The following XYLT1 variants were observed in gnomAD, a reference collection of about 807,000 sequenced individuals.
XYLT1 encodes the protein beta-D-xylosyltransferase 1.
Under a neutral mutation model 91.3 loss-of-function variants are expected in XYLT1, and 36 were observed. The ratio of observed to expected loss-of-function variants is 0.39; its 90% CI spans 0.30 to 0.52. The LOEUF is 0.52. XYLT1 is among the 20% of genes least tolerant of loss of function. The pLI is 0.68. For synonymous variants in XYLT1, 588 were observed against 532.0 expected, an observed-to-expected ratio of 1.11 and a Z score of -1.45; for missense variants, 1,242 against 1,284.5, an observed-to-expected ratio of 0.97 and a Z score of 0.51.
intron 9 of XYLT1, among the ~76,000 whole-genome samples, chr16:17,128,746 A>T (rs910256797): frequency 9.2e-5 from 14 of 152,226 alleles, no homozygotes; most frequent in Non-Finnish European, 1.3e-4. Context: ...AGTGAAGCAG[A>T]GATGTCCGGA....
chr16:17,437,749 G>A lies in XYLT1; in HGVS notation c.363+32685C>T, dbSNP rs115639574. ...AAAATTGTTCTGGGAGGCAGGAGGA[G>A]CTCTCCAAAGTGTTTAGGAACACAA... On this transcript the variant is annotated intron_variant, in intron 1 of 11. Transcript: ENST00000261381. Among the ~76,000 whole-genome samples the A allele has an allele frequency of 2.8e-3, 426 of 152,268 alleles. 4 individuals are homozygous for A. The highest frequency in any genetic ancestry group is 9.8e-3 in the African/African-American group (407 of 41,554).
intron 8 of XYLT1, among the ~76,000 whole-genome samples, chr16:17,136,425 C>CAGCTT (rs1315345921): frequency 2.0e-5 from 3 of 152,168 alleles, no homozygotes; most frequent in Non-Finnish European, 1.5e-5. Context: ...GTGGGGAGCA[C>CAGCTT]AGCTTAGCAC....
chr16:17,129,410 AG>A (rs1405413020), intron 9 of XYLT1, among the ~76,000 whole-genome samples: 1 of 152,024 alleles, frequency 6.6e-6, no homozygotes, highest in Non-Finnish European at 1.5e-5. Context: ...TACAGGCATC[AG>A]CCACCATGCC....
chr16:17,445,046 C>T (rs544574656), intron 1 of XYLT1, among the ~76,000 whole-genome samples: 160 of 152,336 alleles, frequency 1.1e-3, no homozygotes, highest in African/African-American at 3.8e-3. Context: ...ATCACCCAGA[C>T]TGAAGTGCAG....
intron 2 of XYLT1, among the ~76,000 whole-genome samples, chr16:17,297,200 A>T (rs8061564): frequency 0.12 from 18,040 of 152,188 alleles, 1,163 homozygotes; most frequent in South Asian, 0.17. Context: ...CTCCAAATCC[A>T]TGTTTTATTA....
At chr16:17,150,178 C>T (rs962437508) in intron 6 of XYLT1, among the ~76,000 whole-genome samples, 1 of 152,140 alleles carries the variant, frequency 6.6e-6, no homozygotes, top group Non-Finnish European at 1.5e-5. Context: ...TGGATGAGCT[C>T]GCGAGGATTC....
At chr16:17,334,651 G>GT (rs2034951047) in intron 2 of XYLT1, among the ~76,000 whole-genome samples, 2 of 152,214 alleles carry the variant, frequency 1.3e-5, no homozygotes, top group Admixed American at 1.3e-4. Flanking sequence ...AGCAAGGACA[G>GT]TGAGAAGTAC....
intron 1 of XYLT1, among the ~76,000 whole-genome samples, chr16:17,360,550 AG>A (rs1472211519): frequency 1.3e-5 from 2 of 152,228 alleles, no homozygotes; most frequent in Non-Finnish European, 2.9e-5. Flanking sequence ...AGTCCTCACA[AG>A]GGGCCACATC....
intron 5 of XYLT1, among the ~76,000 whole-genome samples, chr16:17,189,689 A>G (rs1446647116): frequency 6.6e-6 from 1 of 152,240 alleles, no homozygotes; most frequent in Non-Finnish European, 1.5e-5. Context: ...CCTCAACGAT[A>G]TTAAGCTAAG....
intron 2 of XYLT1, among the ~76,000 whole-genome samples, chr16:17,262,033 C>T (rs1406790526): frequency 2.6e-5 from 4 of 152,064 alleles, no homozygotes; most frequent in African/African-American, 9.7e-5. Context: ...ATCCAGAGGC[C>T]CTTGAAGAGT....
intron 2 of XYLT1, among the ~76,000 whole-genome samples, chr16:17,302,103 G>A (rs1450678171): frequency 6.6e-6 from 1 of 152,052 alleles, no homozygotes; most frequent in Non-Finnish European, 1.5e-5. Flanking sequence ...TACTCAGGAG[G>A]CTAAGATGGG....
chr16:17,153,768 C>T (rs1187887540), intron 6 of XYLT1, among the ~76,000 whole-genome samples: 1 of 152,174 alleles, frequency 6.6e-6, no homozygotes, highest in African/African-American at 2.4e-5. Flanking sequence ...CCTGGTGGCA[C>T]ATAAACACAC....
At chr16:17,110,683 A>AAACT (rs780962465) in intron 11 of XYLT1, among the ~76,000 whole-genome samples, 3 of 152,138 alleles carry the variant, frequency 2.0e-5, no homozygotes, top group Non-Finnish European at 2.9e-5. Flanking sequence ...CACACCTAAA[A>AAACT]AACTAGGGGG....
intron 1 of XYLT1, among the ~76,000 whole-genome samples, chr16:17,363,132 T>C (rs765739712): frequency 7.2e-5 from 11 of 152,186 alleles, no homozygotes; most frequent in Non-Finnish European, 1.6e-4. Flanking sequence ...AACTCACTCA[T>C]GACTCGAGCC....
Position 17,358,066 on chromosome 16 carries a change from A to T in XYLT1, c.364-16T>A. On this transcript the variant is annotated splice_polypyrimidine_tract_variant and intron_variant, in intron 1 of 11. Coordinates refer to ENST00000261381, the MANE Select transcript of XYLT1 (RefSeq NM_022166.4). ...GGTGTGGATCCTGTAGGATGAAAGG[A>T]GAAAATGCACGTGAGGAGTGAAAAA... is the stretch of plus-strand genomic sequence containing the variant. 1.2e-6 allele frequency: 2 copies of T among 1,612,462 alleles called. No individual in the cohort carries two copies. Among genetic ancestry groups the T allele is most frequent in the Non-Finnish European group, 1.7e-6 (2 of 1,179,262 alleles).
At chr16:17,179,821 A>C (rs1357472988) in intron 5 of XYLT1, among the ~76,000 whole-genome samples, 1 of 152,206 alleles carries the variant, frequency 6.6e-6, no homozygotes, top group Non-Finnish European at 1.5e-5. Flanking sequence ...TGGGCTGAAC[A>C]TGTTCCTATT....
intron 1 of XYLT1, among the ~76,000 whole-genome samples, chr16:17,452,860 T>TACACAC (rs549600410): frequency 6.6e-6 from 1 of 151,212 alleles, no homozygotes; most frequent in Admixed American, 6.6e-5. Flanking sequence ...TCCCCTAGAA[T>TACACAC]ACACACACAC....
intron 1 of XYLT1, among the ~76,000 whole-genome samples, chr16:17,399,494 G>A (rs1439769997): frequency 1.3e-5 from 2 of 152,190 alleles, no homozygotes; most frequent in African/African-American, 4.8e-5. Flanking sequence ...GAATAAACAG[G>A]CTTTAACCTG....
At chr16:17,203,472 GTCCA>G (rs2032581123) in intron 3 of XYLT1, among the ~76,000 whole-genome samples, 1 of 150,272 alleles carries the variant, frequency 6.7e-6, no homozygotes, top group Non-Finnish European at 1.5e-5. Flanking sequence ...CCACTAATCT[GTCCA>G]TCCATCTACC....
Sources: gnomAD v4.1 joint callset for allele counts (sites outside exome capture counted in the v4.1 genomes callset) on GRCh38, gnomAD v4.1.1 for gene constraint, MANE v1.5 for transcripts, NCBI Gene and HGNC (gene_info 2026-07-23, HGNC 2026-07-21) for gene names.